The following CNTNAP2 variants were observed in gnomAD, a reference collection of about 807,000 sequenced individuals.
The protein encoded by CNTNAP2 is contactin associated protein 2, also known as contactin-associated protein-like 2.
CNTNAP2 carries 98 observed loss-of-function variants against 155.2 expected under a neutral mutation model. The ratio of observed to expected loss-of-function variants is 0.63; its 90% CI spans 0.54 to 0.75. The LOEUF is 0.75. Ranked by LOEUF, CNTNAP2 falls within the 30% of genes least tolerant of loss-of-function variation. The pLI, the probability that CNTNAP2 is intolerant of heterozygous loss-of-function variation, is 0.00. For missense variants in CNTNAP2, 1,727 were observed against 1,688.1 expected, an observed-to-expected ratio of 1.02 and a Z score of -0.40; for synonymous variants, 651 against 631.2, an observed-to-expected ratio of 1.03 and a Z score of -0.47.
chr7:146,921,882 A>G (rs1243526238), intron 3 of CNTNAP2, among the ~76,000 whole-genome samples: 1 of 152,154 alleles, frequency 6.6e-6, no homozygotes, highest in Non-Finnish European at 1.5e-5. Flanking sequence ...ATTTTCTGCT[A>G]ATGTAGAAGG....
intron 11 of CNTNAP2, among the ~76,000 whole-genome samples, chr7:147,519,160 C>T (rs1799185757): frequency 6.6e-6 from 1 of 152,028 alleles, no homozygotes; most frequent in Admixed American, 6.6e-5. Context: ...AAACGGGTCT[C>T]ACTAGGTTAA....
chr7:146,620,931 A>G (rs1000042783), intron 1 of CNTNAP2, among the ~76,000 whole-genome samples: 2 of 152,224 alleles, frequency 1.3e-5, no homozygotes, highest in Non-Finnish European at 2.9e-5. Context: ...GTGACCTTTT[A>G]ACAATTGGGA....
At chr7:147,355,379 G>T (rs958767180) in intron 9 of CNTNAP2, among the ~76,000 whole-genome samples, 1 of 151,918 alleles carries the variant, frequency 6.6e-6, no homozygotes, top group African/African-American at 2.4e-5. Flanking sequence ...ACAATTTAAG[G>T]AACTAGAGAA....
rs893875464 is a variant in CNTNAP2 at position 148,409,096 on chromosome 7, C to T, written c.3716-295C>T. Among the ~76,000 whole-genome samples, 7 of 152,180 alleles carry T rather than the reference C, an allele frequency of 4.6e-5. No individual in the cohort carries two copies. In the South Asian group the frequency reaches 6.2e-4, roughly 14 times the overall value. On this transcript the variant is annotated intron_variant, in intron 22 of 23. Transcript: ENST00000361727. The stretch of plus-strand genomic sequence containing the variant: ...TAAGAAACATATTCAAATGCATAAA[C>T]TCGTCTGTCTGTGGAACTAGAGCAG...
intron 12 of CNTNAP2, among the ~76,000 whole-genome samples, chr7:147,566,931 G>A (rs1800186560): frequency 6.6e-6 from 1 of 152,200 alleles, no homozygotes; most frequent in Non-Finnish European, 1.5e-5. Flanking sequence ...TCATCTGTGT[G>A]GAGGTTAAAA....
chr7:148,000,462 G>A (rs536065332), intron 15 of CNTNAP2, among the ~76,000 whole-genome samples: 2 of 152,146 alleles, frequency 1.3e-5, no homozygotes, highest in African/African-American at 4.8e-5. Flanking sequence ...TTTAATCCTC[G>A]CAAGTATATA....
intron 15 of CNTNAP2, chr7:148,044,761 G>A (rs1802745727): frequency 6.6e-6 from 1 of 152,242 alleles, no homozygotes; most frequent in South Asian, 2.1e-4. Flanking sequence ...TATTTTTTAT[G>A]GCAGCCCAAA....
intron 1 of CNTNAP2, among the ~76,000 whole-genome samples, chr7:146,123,911 A>G (rs1039081453): frequency 6.6e-6 from 1 of 152,218 alleles, no homozygotes; most frequent in Non-Finnish European, 1.5e-5. Flanking sequence ...ATGGAATACT[A>G]TGCAGCCATA....
chr7:146,587,776 G>A (rs1330207505), intron 1 of CNTNAP2, among the ~76,000 whole-genome samples: 6 of 151,898 alleles, frequency 4.0e-5, no homozygotes, highest in African/African-American at 7.3e-5. Flanking sequence ...ATGTTCAAGC[G>A]ATTCTCCTGC....
intron 13 of CNTNAP2, among the ~76,000 whole-genome samples, chr7:147,691,691 T>C (rs1293908657): frequency 6.6e-6 from 1 of 152,098 alleles, no homozygotes; most frequent in Admixed American, 6.6e-5. Context: ...TGCTTAATAT[T>C]TTCAATAAGC....
At chr7:148,260,810 A>T (rs1796545408) in intron 20 of CNTNAP2, among the ~76,000 whole-genome samples, 1 of 152,182 alleles carries the variant, frequency 6.6e-6, no homozygotes, top group African/African-American at 2.4e-5. Flanking sequence ...AGGAGAGACT[A>T]ACAGAGGAAA....
intron 10 of CNTNAP2, among the ~76,000 whole-genome samples, chr7:147,458,316 T>C (rs1797958489): frequency 6.6e-6 from 1 of 152,146 alleles, no homozygotes; most frequent in Non-Finnish European, 1.5e-5. Context: ...CTTGTCCTTA[T>C]GTCCAATTTC....
At chr7:147,308,476 T>C (rs1350006876) in intron 9 of CNTNAP2, among the ~76,000 whole-genome samples, 1 of 152,050 alleles carries the variant, frequency 6.6e-6, no homozygotes, top group African/African-American at 2.4e-5. Flanking sequence ...GCATACACAT[T>C]TGGAGGTCCA....
chr7:146,404,141 A>AAAAAAC (rs1367526173), intron 1 of CNTNAP2, among the ~76,000 whole-genome samples: 2 of 147,428 alleles, frequency 1.4e-5, no homozygotes, highest in African/African-American at 5.3e-5. Flanking sequence ...AAAAAAAAAA[A>AAAAAAC]ACAAAGAACT....
intron 1 of CNTNAP2, among the ~76,000 whole-genome samples, chr7:146,641,209 C>T (rs938881737): frequency 2.0e-5 from 3 of 152,178 alleles, no homozygotes; most frequent in Admixed American, 6.5e-5. Flanking sequence ...GGCCTGTAGT[C>T]CCAGCTACTT....
intron 1 of CNTNAP2, among the ~76,000 whole-genome samples, chr7:146,423,880 A>T (rs1796049523): frequency 6.6e-6 from 1 of 152,186 alleles, no homozygotes; most frequent in South Asian, 2.1e-4. Flanking sequence ...TTAAATTCAG[A>T]TAATAAGGCT....
At chr7:146,215,220 A>G (rs983928384) in intron 1 of CNTNAP2, among the ~76,000 whole-genome samples, 3 of 152,226 alleles carry the variant, frequency 2.0e-5, no homozygotes, top group Non-Finnish European at 4.4e-5. Flanking sequence ...AAATAATCCA[A>G]TGGCCAACTG....
intron 1 of CNTNAP2, among the ~76,000 whole-genome samples, chr7:146,435,638 A>G (rs1194324040): frequency 6.6e-6 from 1 of 152,220 alleles, no homozygotes; most frequent in Non-Finnish European, 1.5e-5. Context: ...TAAATCAGGC[A>G]GTATATTATA....
At chr7:146,449,217 C>T (rs1204630003) in intron 1 of CNTNAP2, among the ~76,000 whole-genome samples, 2 of 151,900 alleles carry the variant, frequency 1.3e-5, no homozygotes, top group Non-Finnish European at 2.9e-5. Flanking sequence ...GACTTTCTTT[C>T]ATTGGTTTCA....
Sources: gnomAD v4.1 joint callset for allele counts (sites outside exome capture counted in the v4.1 genomes callset) on GRCh38, gnomAD v4.1.1 for gene constraint, MANE v1.5 for transcripts, NCBI Gene and HGNC (gene_info 2026-07-23, HGNC 2026-07-21) for gene names.